Variants in ARHGAP15 observed in about 807,000 individuals in gnomAD.
ARHGAP15 encodes the protein Rho GTPase activating protein 15.
Under a neutral mutation model 63.7 loss-of-function variants are expected in ARHGAP15, and 51 were observed. That is an observed-to-expected ratio of 0.80 (90% CI 0.64 to 1.01). The LOEUF (loss-of-function observed/expected upper bound fraction) is 1.01, where lower values mean the gene tolerates loss of function less well. Ranked by LOEUF, ARHGAP15 falls within the 50% of genes least tolerant of loss-of-function variation. The pLI is 0.00. For missense variants in ARHGAP15, 560 were observed against 564.6 expected (o/e 0.99, Z 0.08); for synonymous variants, 191 against 193.8 (o/e 0.99, Z 0.12).
At chr2:143,369,796 G>T (rs557796835) in intron 6 of ARHGAP15, among the ~76,000 whole-genome samples, 1 of 152,204 alleles carries the variant, frequency 6.6e-6, no homozygotes, top group South Asian at 2.1e-4. Context: ...AGAGAACGCA[G>T]TATTCTTTTT....
At chr2:143,245,903 C>T (rs1414652699) in intron 5 of ARHGAP15, among the ~76,000 whole-genome samples, 1 of 152,012 alleles carries the variant, frequency 6.6e-6, no homozygotes, top group Non-Finnish European at 1.5e-5. Flanking sequence ...ACTGTCCTGC[C>T]AAGGCATGGG....
At chr2:143,763,772 TTATA>T (rs1686855890) in intron 13 of ARHGAP15, among the ~76,000 whole-genome samples, 1 of 147,176 alleles carries the variant, frequency 6.8e-6, no homozygotes, top group Non-Finnish European at 1.5e-5. Flanking sequence ...ATAAATATAT[TTATA>T]TACATATAAA....
intron 11 of ARHGAP15, among the ~76,000 whole-genome samples, chr2:143,591,611 G>GTTTTT (rs1189847515): frequency 5.4e-5 from 5 of 92,648 alleles, no homozygotes; most frequent in Non-Finnish European, 8.9e-5. Flanking sequence ...TTTTTTGTTT[G>GTTTTT]TTCTTTTTTT....
rs138395584 is a variant in ARHGAP15, at chr2:143,510,722, G to A, written c.827-8544G>A. Among the ~76,000 whole-genome samples, 1,297 of 152,242 alleles carry A rather than the reference G, an allele frequency of 8.5e-3. 10 individuals are homozygous for A. The highest frequency in any genetic ancestry group is 0.035 in the South Asian group (171 of 4,828). On this transcript the variant is annotated intron_variant, in intron 9 of 13. Transcript: ENST00000295095. ...AATATACGTCATTACCACGATAGTTGGATAATTGTCTGATTTGTTTTTGTG... is the reference window on the plus strand; with the variant it reads ...AATATACGTCATTACCACGATAGTTAGATAATTGTCTGATTTGTTTTTGTG...
intron 12 of ARHGAP15, among the ~76,000 whole-genome samples, chr2:143,697,486 C>A (rs1267288925): frequency 6.6e-6 from 1 of 152,154 alleles, no homozygotes; most frequent in East Asian, 1.9e-4. Flanking sequence ...ATCAATAGTT[C>A]AAGCAACTTG....
intron 12 of ARHGAP15, among the ~76,000 whole-genome samples, chr2:143,686,634 G>A (rs1424233960): frequency 6.6e-6 from 1 of 152,032 alleles, no homozygotes; most frequent in African/African-American, 2.4e-5. Flanking sequence ...TGGTATAAAT[G>A]CCATATAGAG....
intron 13 of ARHGAP15, among the ~76,000 whole-genome samples, chr2:143,767,256 G>C (rs1331424713): frequency 6.6e-6 from 1 of 152,050 alleles, no homozygotes. Flanking sequence ...TAGGAGTCCT[G>C]TGTTGGAACA....
rs72859652 is a variant in ARHGAP15 at position 143,689,922 on chromosome 2, G to A, written c.1139-13497G>A. On this transcript the variant is annotated intron_variant, in intron 12 of 13. Transcript: ENST00000295095. Reference sequence around the variant, plus strand: ...AAATTGCTATCTTTAAATGATCCCAGTATGAAGAGAAGTCTTGATGTGTAG... The same window carrying A: ...AAATTGCTATCTTTAAATGATCCCAATATGAAGAGAAGTCTTGATGTGTAG... Among the ~76,000 whole-genome samples the A allele has an allele frequency of 6.0e-4, 91 of 152,248 alleles. 1 individual carries two copies. The highest frequency in any genetic ancestry group is 1.1e-3 in the Non-Finnish European group (77 of 68,016).
At chr2:143,592,736 A>G (rs1221196677) in intron 11 of ARHGAP15, among the ~76,000 whole-genome samples, 2 of 152,236 alleles carry the variant, frequency 1.3e-5, no homozygotes, top group Non-Finnish European at 2.9e-5. Context: ...TGCTTCATAC[A>G]AAACCTGTGA....
chr2:143,353,391 C>T (rs1685661931), intron 6 of ARHGAP15, among the ~76,000 whole-genome samples: 1 of 152,130 alleles, frequency 6.6e-6, no homozygotes, highest in Admixed American at 6.6e-5. Flanking sequence ...GGTTTTGGTG[C>T]TTTTTTAGCA....
intron 6 of ARHGAP15, among the ~76,000 whole-genome samples, chr2:143,278,263 A>G (rs1282373062): frequency 6.6e-6 from 1 of 152,086 alleles, no homozygotes; most frequent in East Asian, 1.9e-4. Context: ...AGTTAAGCAG[A>G]TTGAAGGATT....
At chr2:143,704,364 T>A (rs1289109897) in intron 13 of ARHGAP15, among the ~76,000 whole-genome samples, 1 of 152,050 alleles carries the variant, frequency 6.6e-6, no homozygotes, top group African/African-American at 2.4e-5. Flanking sequence ...GTGGCTTGAG[T>A]GGAGCCCTCA....
chr2:143,175,995 C>T (rs1054716755), intron 2 of ARHGAP15, among the ~76,000 whole-genome samples: 7 of 152,028 alleles, frequency 4.6e-5, no homozygotes, highest in Non-Finnish European at 2.9e-5. Flanking sequence ...AAATAAAATA[C>T]GTATGTCTGT....
intron 6 of ARHGAP15, among the ~76,000 whole-genome samples, chr2:143,382,582 T>C (rs973472623): frequency 6.6e-6 from 1 of 152,140 alleles, no homozygotes; most frequent in Non-Finnish European, 1.5e-5. Context: ...AGACCCTGTA[T>C]CCAAATCCGG....
chr2:143,499,678 A>T (rs1051291999), intron 9 of ARHGAP15, among the ~76,000 whole-genome samples: 1 of 152,126 alleles, frequency 6.6e-6, no homozygotes, highest in Non-Finnish European at 1.5e-5. Flanking sequence ...TCTATTTCCC[A>T]GGCATTTAAG....
chr2:143,733,789 AGT>A (rs1685640484), intron 13 of ARHGAP15, among the ~76,000 whole-genome samples: 1 of 152,128 alleles, frequency 6.6e-6, no homozygotes, highest in Non-Finnish European at 1.5e-5. Context: ...AAGATAAAAA[AGT>A]GTGTGTTTTG....
At chr2:143,527,771 A>G (rs1694342329) in intron 10 of ARHGAP15, among the ~76,000 whole-genome samples, 1 of 152,062 alleles carries the variant, frequency 6.6e-6, no homozygotes, top group African/African-American at 2.4e-5. Flanking sequence ...ATTCTCAGTA[A>G]ATGGTGTATA....
At chr2:143,210,958 T>C (rs1033540869) in intron 3 of ARHGAP15, among the ~76,000 whole-genome samples, 1 of 152,186 alleles carries the variant, frequency 6.6e-6, no homozygotes, top group African/African-American at 2.4e-5. Flanking sequence ...ACTGAATCTA[T>C]GTCTAAAGGC....
chr2:143,436,690 T>C (rs1019604856), intron 7 of ARHGAP15, among the ~76,000 whole-genome samples: 7 of 152,216 alleles, frequency 4.6e-5, no homozygotes, highest in Non-Finnish European at 8.8e-5. Flanking sequence ...ATTGTTGTAA[T>C]GATTAATTGA....
Sources: gnomAD v4.1 joint callset for allele counts (sites outside exome capture counted in the v4.1 genomes callset) on GRCh38, gnomAD v4.1.1 for gene constraint, MANE v1.5 for transcripts, NCBI Gene and HGNC (gene_info 2026-07-23, HGNC 2026-07-21) for gene names.